The following ALG10 variants were observed in gnomAD, a reference collection of about 807,000 sequenced individuals.
ALG10 encodes the protein dol-P-Glc:Glc(2)Man(9)GlcNAc(2)-PP-Dol alpha-1,2-glucosyltransferase A.
ALG10 carries 25 observed loss-of-function variants against 39.2 expected under a neutral mutation model. That is an observed-to-expected ratio of 0.64 (90% CI 0.46 to 0.89). The LOEUF is 0.89. Among genes scored for constraint, ALG10 ranks in the 40% least tolerant of loss-of-function variants. The pLI, the probability that ALG10 is intolerant of heterozygous loss-of-function variation, is 0.00. For missense variants in ALG10, 486 were observed against 546.6 expected, an observed-to-expected ratio of 0.89 and a Z score of 1.11; for synonymous variants, 184 against 193.9, an observed-to-expected ratio of 0.95 and a Z score of 0.42.
At position 34,027,782 on chromosome 12, in the gene ALG10, T is replaced by G. The variant is rs899304775; in HGVS notation, c.*867T>G. The G allele has an allele frequency of 6.6e-6, 1 of 152,180 alleles. No individual in the cohort carries two copies. Among genetic ancestry groups the G allele is most frequent in the Non-Finnish European group, 1.5e-5 (1 of 68,024 alleles). The allele number at this position is 152,180 out of a possible 1,614,324, so 9.4% of individuals were successfully genotyped here. A position where few individuals can be genotyped will look rare whatever the true frequency, so the allele number is the denominator to read the frequency against. ...AGCAGAGTTGGTTCCTTCTGGAGGC[T>G]CTAAGGAAGAATCCATAAACAGACA... On this transcript the variant is annotated 3_prime_UTR_variant, in exon 3 of 3. Transcript: ENST00000266483.
intron 2 of ALG10, among the ~76,000 whole-genome samples, chr12:34,024,997 G>A (rs1943467174): frequency 2.0e-5 from 3 of 152,066 alleles, no homozygotes; most frequent in South Asian, 4.1e-4. Context: ...TAATCCTGGG[G>A]AGACAAACAA....
Position 34,024,403 on chromosome 12 carries a change from A to G in ALG10, c.369+244A>G, listed in dbSNP as rs200453398. On this transcript the variant is annotated intron_variant, in intron 2 of 2. Coordinates refer to ENST00000266483, the MANE Select transcript of ALG10 (RefSeq NM_032834.4). ...TTGTTAAGTGAGTCAAACCAGTTCAATAAATACTTACTGAACTTATTCCAT... is the reference window on the plus strand; with the variant it reads ...TTGTTAAGTGAGTCAAACCAGTTCAGTAAATACTTACTGAACTTATTCCAT... 4.6e-4 allele frequency among the ~76,000 whole-genome samples: 68 copies of G among 146,966 alleles called. No individual in the cohort carries two copies. In the East Asian group the frequency reaches 0.012, roughly 26 times the overall value.
chr12:34,023,667 T>G, intron 1 of ALG10: 1 of 408,764 alleles, frequency 2.4e-6, no homozygotes, highest in Non-Finnish European at 4.6e-6. Flanking sequence ...ACTGGAACAT[T>G]TGCAGTTTAT....
In ALG10 at chr12:34,026,655, T is replaced by C. The variant is rs752518855; in HGVS notation, c.1162T>C (p.Leu388=). Residue 388 remains leucine (L), a synonymous_variant, in exon 3 of 3, where the codon TTG becomes CTG. Transcript: ENST00000266483. ...IFAGWSIADS[L]KSKSIFWNLM... ...TGCTGGTTGGAGTATAGCTGACTCATTGAAATCAAAGTCAATTTTTTGGAA... is the reference window on the plus strand; with the variant it reads ...TGCTGGTTGGAGTATAGCTGACTCACTGAAATCAAAGTCAATTTTTTGGAA... 1.2e-5 allele frequency: 19 copies of C among 1,613,810 alleles called. No individual in the cohort carries two copies. Among genetic ancestry groups the C allele is most frequent in the Non-Finnish European group, 1.5e-5 (18 of 1,179,890 alleles).
At chr12:34,025,835 T>A in intron 2 of ALG10, 28 bp from the exon 3 acceptor site, 1 of 1,612,958 alleles carries the variant, frequency 6.2e-7, no homozygotes, top group Non-Finnish European at 8.5e-7. Context: ...ATGAAAATAA[T>A]TTTATCTGTG....
intron 1 of ALG10, chr12:34,023,580 G>A (rs1942801230): frequency 6.2e-6 from 2 of 321,138 alleles, no homozygotes; most frequent in Non-Finnish European, 1.2e-5. Context: ...GTTTATGTTA[G>A]CTGTCATCAT....
chr12:34,022,554 G>C lies in ALG10; in HGVS notation c.-46G>C, dbSNP rs1942788435. 2 of 1,613,660 alleles carry C rather than the reference G, an allele frequency of 1.2e-6. No homozygotes were observed. Among genetic ancestry groups the C allele is most frequent in the Non-Finnish European group, 1.7e-6 (2 of 1,179,850 alleles). The stretch of plus-strand genomic sequence containing the variant: ...TTTCCAGCTCGGGTTTCCAGGCTCA[G>C]AATTTTCCAGGAGTAGGTTCTTGGG... On this transcript the variant is annotated 5_prime_UTR_variant, in exon 1 of 3. Coordinates refer to ENST00000266483, the MANE Select transcript of ALG10 (RefSeq NM_032834.4).
Sources: gnomAD v4.1 joint callset for allele counts (sites outside exome capture counted in the v4.1 genomes callset) on GRCh38, gnomAD v4.1.1 for gene constraint, MANE v1.5 for transcripts, NCBI Gene and HGNC (gene_info 2026-07-23, HGNC 2026-07-21) for gene names.